STX18: variants seen among roughly 807,000 people sequenced by gnomAD.
STX18 encodes syntaxin-18.
Under a neutral mutation model 50.1 loss-of-function variants are expected in STX18, and 40 were observed. The observed-to-expected ratio is 0.80, with a 90% CI of 0.62 to 1.04. The LOEUF is 1.04. Ranked by LOEUF, STX18 falls within the 50% of genes least tolerant of loss-of-function variation. The pLI, the probability that STX18 is intolerant of heterozygous loss-of-function variation, is 0.00. For missense variants in STX18, 410 were observed against 415.8 expected (o/e 0.99, Z 0.12); for synonymous variants, 158 against 151.8 (o/e 1.04, Z -0.30).
chr4:4,511,740 G>GTGTGTC (rs1206183671), intron 1 of STX18, among the ~76,000 whole-genome samples: 1 of 150,812 alleles, frequency 6.6e-6, no homozygotes, highest in African/African-American at 2.5e-5. Flanking sequence ...GTGTGTGTGT[G>GTGTGTC]TGTGTGTGTG....
rs1457386891 is a variant in STX18 at position 4,541,835 on chromosome 4, G to A, written c.130C>T (p.Arg44Trp). Residue 44 changes from arginine to tryptophan, a missense_variant, in exon 1 of 11, where the codon CGG becomes TGG. Physicochemically the swap from Arg to Trp is moderately radical, Grantham distance 101. Transcript: ENST00000306200. The stretch of plus-strand genomic sequence containing the variant: ...CGGCTGGAGAAGTCGCCCTTGGGCC[G>A]GGGGCTCCGGCGGAACAGCTCGTCC... ...SRDELFRRSPRPKGDFSSRAR... is the reference protein window; with the variant it reads ...SRDELFRRSPWPKGDFSSRAR... 6.2e-7 allele frequency: 1 copy of A among 1,610,174 alleles called. No homozygotes were observed. The highest frequency in any genetic ancestry group is 8.5e-7 in the Non-Finnish European group (1 of 1,178,640).
chr4:4,487,378 G>T (rs1235366870), intron 1 of STX18, among the ~76,000 whole-genome samples: 1 of 152,130 alleles, frequency 6.6e-6, no homozygotes, highest in Non-Finnish European at 1.5e-5. Context: ...AAATCATATT[G>T]AACATTTAGT....
chr4:4,542,087 C>T, upstream of STX18: 1 of 1,240,266 alleles, frequency 8.1e-7, no homozygotes, highest in African/African-American at 1.6e-5. Context: ...AACGGCGACG[C>T]GAGAAGAAAG....
intron 2 of STX18, among the ~76,000 whole-genome samples, chr4:4,460,291 C>G (rs1363450274): frequency 6.6e-6 from 1 of 152,124 alleles, no homozygotes; most frequent in Non-Finnish European, 1.5e-5. Context: ...GTAATAAATA[C>G]TTTTGAATGA....
chr4:4,507,278 C>A (rs1399115574), intron 1 of STX18: 6 of 709,278 alleles, frequency 8.5e-6, no homozygotes, highest in Non-Finnish European at 1.6e-5. Flanking sequence ...ATCTCCCAGG[C>A]TCTTCTGGAG....
intron 1 of STX18, among the ~76,000 whole-genome samples, chr4:4,510,482 A>G (rs1560201734): frequency 6.6e-6 from 1 of 152,154 alleles, no homozygotes; most frequent in Non-Finnish European, 1.5e-5. Context: ...ATGACATGCA[A>G]TTATTAAAAA....
At chr4:4,446,151 T>A (rs1726395086) in intron 5 of STX18, among the ~76,000 whole-genome samples, 1 of 132,330 alleles carries the variant, frequency 7.6e-6, no homozygotes, top group Non-Finnish European at 1.6e-5. Context: ...TCAACCCCAG[T>A]TATTATATAG....
chr4:4,527,097 C>T (rs1249543863), intron 1 of STX18, among the ~76,000 whole-genome samples: 1 of 152,126 alleles, frequency 6.6e-6, no homozygotes, highest in Admixed American at 6.5e-5. Flanking sequence ...CTGTAAAGTA[C>T]CCCACGACGC....
chr4:4,431,510 C>G (rs1725516537), intron 7 of STX18, among the ~76,000 whole-genome samples: 1 of 152,154 alleles, frequency 6.6e-6, no homozygotes, highest in African/African-American at 2.4e-5. Flanking sequence ...TCCATGACCC[C>G]TTCTCCTTTC....
intron 5 of STX18, among the ~76,000 whole-genome samples, chr4:4,450,461 T>C (rs1260010842): frequency 1.3e-5 from 2 of 152,096 alleles, no homozygotes; most frequent in East Asian, 1.9e-4. Flanking sequence ...GCTAGGACTA[T>C]AGGTCATGCT....
intron 2 of STX18, among the ~76,000 whole-genome samples, chr4:4,468,331 T>C (rs1478819416): frequency 2.0e-5 from 3 of 152,184 alleles, no homozygotes; most frequent in African/African-American, 4.8e-5. Context: ...TACCTGGAAG[T>C]TGCAGGGGCT....
At chr4:4,441,350 C>T (rs778380782) in intron 5 of STX18, among the ~76,000 whole-genome samples, 1 of 152,146 alleles carries the variant, frequency 6.6e-6, no homozygotes, top group Non-Finnish European at 1.5e-5. Flanking sequence ...AAAATATAAT[C>T]TGCTATTCTA....
intron 1 of STX18, among the ~76,000 whole-genome samples, chr4:4,483,583 G>A (rs530560580): frequency 3.1e-4 from 47 of 152,140 alleles, no homozygotes; most frequent in African/African-American, 9.6e-4. Flanking sequence ...GTCCACTCCC[G>A]GTTTACCTGA....
intron 1 of STX18, among the ~76,000 whole-genome samples, chr4:4,536,745 TAATC>T (rs768130227): frequency 2.6e-5 from 4 of 152,160 alleles, no homozygotes; most frequent in Non-Finnish European, 4.4e-5. Context: ...AGATTCAAGA[TAATC>T]AATTCCTAAA....
intron 1 of STX18, among the ~76,000 whole-genome samples, chr4:4,524,353 C>G (rs1467532007): frequency 6.6e-6 from 1 of 152,176 alleles, no homozygotes; most frequent in Non-Finnish European, 1.5e-5. Context: ...GTCCCTGATT[C>G]TCAGCCAAAT....
chr4:4,513,561 A>G (rs956949523), intron 1 of STX18, among the ~76,000 whole-genome samples: 2 of 152,198 alleles, frequency 1.3e-5, no homozygotes, highest in Non-Finnish European at 2.9e-5. Flanking sequence ...TAGAGGCCAC[A>G]TTCCCCGGTG....
chr4:4,537,175 A>G (rs538185808), intron 1 of STX18, among the ~76,000 whole-genome samples: 2 of 152,332 alleles, frequency 1.3e-5, no homozygotes, highest in South Asian at 2.1e-4. Flanking sequence ...AGCTGCCACT[A>G]TGAGGCATCT....
intron 7 of STX18, chr4:4,426,411 A>C (rs570270974): frequency 6.6e-6 from 1 of 152,364 alleles, no homozygotes; most frequent in East Asian, 1.9e-4. Flanking sequence ...GAATCGATGG[A>C]AGATCTGGCT....
At chr4:4,526,340 C>A (rs1264629568) in intron 1 of STX18, among the ~76,000 whole-genome samples, 1 of 152,152 alleles carries the variant, frequency 6.6e-6, no homozygotes, top group Non-Finnish European at 1.5e-5. Context: ...CTGAACTGTG[C>A]TCTGTGCTGT....
Sources: allele counts gnomAD v4.1 joint callset (sites outside exome capture counted in the v4.1 genomes callset), GRCh38; gene constraint gnomAD v4.1.1; transcripts MANE v1.5; gene names NCBI Gene and HGNC (gene_info 2026-07-23, HGNC 2026-07-21).